The following C1orf21 variants were observed in gnomAD, a reference collection of about 807,000 sequenced individuals.
C1orf21 encodes uncharacterized protein C1orf21.
A neutral mutation model predicts 18.7 loss-of-function variants in C1orf21; 3 were observed. The ratio of observed to expected loss-of-function variants is 0.16; its 90% CI spans 0.07 to 0.42. C1orf21 has a LOEUF of 0.42. C1orf21 is among the 10% of genes least tolerant of loss of function. The probability of loss-of-function intolerance (pLI) is 0.99; values close to 1 mark genes in which losing one functional copy is unlikely to be tolerated. For synonymous variants in C1orf21, 41 were observed against 46.4 expected (o/e 0.88, Z 0.47); for missense variants, 104 against 143.6 (o/e 0.72, Z 1.41).
intron 3 of C1orf21, among the ~76,000 whole-genome samples, chr1:184,509,605 T>C (rs1387775911): frequency 6.6e-6 from 1 of 152,208 alleles, no homozygotes; most frequent in Admixed American, 6.5e-5. Flanking sequence ...TAATCAAGTA[T>C]TGACCATACA....
chr1:184,589,392 G>A (rs1169295789), intron 3 of C1orf21, among the ~76,000 whole-genome samples: 1 of 152,282 alleles, frequency 6.6e-6, no homozygotes, highest in Middle Eastern at 3.4e-3. Context: ...GCTGAGTGCC[G>A]CTCATGAAGT....
At chr1:184,458,992 A>G (rs996942966) in intron 1 of C1orf21, among the ~76,000 whole-genome samples, 1 of 152,234 alleles carries the variant, frequency 6.6e-6, no homozygotes, top group Admixed American at 6.5e-5. Flanking sequence ...TTCATAAAGC[A>G]GTATATCAAT....
intron 1 of C1orf21, among the ~76,000 whole-genome samples, chr1:184,459,525 A>G (rs1657270205): frequency 1.3e-5 from 2 of 152,302 alleles, no homozygotes; most frequent in East Asian, 1.9e-4. Context: ...GCTGTACTGT[A>G]TGTGGATTTA....
chr1:184,503,773 AG>A (rs1395183102), intron 2 of C1orf21, among the ~76,000 whole-genome samples: 1 of 152,230 alleles, frequency 6.6e-6, no homozygotes, highest in Admixed American at 6.5e-5. Context: ...CAAGCTTTGC[AG>A]ATAGAAGATC....
chr1:184,475,349 C>A (rs1314767120), intron 1 of C1orf21, among the ~76,000 whole-genome samples: 1 of 152,072 alleles, frequency 6.6e-6, no homozygotes, highest in African/African-American at 2.4e-5. Context: ...GCCCCCCCAT[C>A]CCCACCTGAC....
intron 1 of C1orf21, among the ~76,000 whole-genome samples, chr1:184,391,809 G>T (rs1655974688): frequency 6.6e-6 from 1 of 151,910 alleles, no homozygotes; most frequent in African/African-American, 2.4e-5. Flanking sequence ...CTGGGTCCAA[G>T]CAATTCTCAT....
chr1:184,465,437 G>A (rs1421415946), intron 1 of C1orf21, among the ~76,000 whole-genome samples: 1 of 152,100 alleles, frequency 6.6e-6, no homozygotes, highest in Non-Finnish European at 1.5e-5. Context: ...ATAAGTAAGA[G>A]ATTTTGGGGC....
intron 1 of C1orf21, among the ~76,000 whole-genome samples, chr1:184,442,265 C>T (rs1656959704): frequency 6.6e-6 from 1 of 151,962 alleles, no homozygotes; most frequent in South Asian, 2.1e-4. Context: ...TCATAGAATC[C>T]AGGTTGGGAA....
At chr1:184,497,243 C>A (rs1557986906) in intron 2 of C1orf21, among the ~76,000 whole-genome samples, 1 of 152,200 alleles carries the variant, frequency 6.6e-6, no homozygotes, top group East Asian at 1.9e-4. Flanking sequence ...GTGCTGCCCA[C>A]CATTAAGCTA....
intron 3 of C1orf21, among the ~76,000 whole-genome samples, chr1:184,548,490 C>CTACAAG (rs1432046007): frequency 6.7e-6 from 1 of 148,850 alleles, no homozygotes; most frequent in Non-Finnish European, 1.5e-5. Flanking sequence ...TCTCCACTCA[C>CTACAAG]TACAAGCTCC....
chr1:184,463,462 T>C (rs1006128590), intron 1 of C1orf21, among the ~76,000 whole-genome samples: 4 of 152,330 alleles, frequency 2.6e-5, no homozygotes, highest in Non-Finnish European at 4.4e-5. Context: ...TAATTATAAA[T>C]TTTCAGCTGC....
chr1:184,530,028 G>T (rs1159695571), intron 3 of C1orf21, among the ~76,000 whole-genome samples: 1 of 152,128 alleles, frequency 6.6e-6, no homozygotes, highest in Non-Finnish European at 1.5e-5. Context: ...TCTTACAAGG[G>T]TGCTAGAATT....
At chr1:184,450,017 G>C (rs528800924) in intron 1 of C1orf21, among the ~76,000 whole-genome samples, 13 of 152,290 alleles carry the variant, frequency 8.5e-5, no homozygotes, top group Admixed American at 7.8e-4. Context: ...ACAAGACGGA[G>C]GGAGGTATTT....
intron 1 of C1orf21, among the ~76,000 whole-genome samples, chr1:184,434,376 GTCAT>G (rs1167534017): frequency 6.6e-6 from 1 of 152,162 alleles, no homozygotes; most frequent in Non-Finnish European, 1.5e-5. Context: ...GAGACTCAAA[GTCAT>G]TCATTCAGTC....
intron 5 of C1orf21, among the ~76,000 whole-genome samples, chr1:184,618,988 T>C (rs1659875154): frequency 6.6e-6 from 1 of 152,254 alleles, no homozygotes; most frequent in South Asian, 2.1e-4. Context: ...CAGAAGCATC[T>C]TTGCCTTTCT....
intron 5 of C1orf21, among the ~76,000 whole-genome samples, chr1:184,615,709 C>A (rs958491133): frequency 6.6e-6 from 1 of 152,176 alleles, no homozygotes; most frequent in Admixed American, 6.5e-5. Flanking sequence ...CCCAGTAGGG[C>A]CAGTGTGCAG....
At chr1:184,489,965 A>G (rs1052538674) in intron 2 of C1orf21, among the ~76,000 whole-genome samples, 4 of 152,140 alleles carry the variant, frequency 2.6e-5, no homozygotes, top group Admixed American at 2.6e-4. Context: ...GTTTATTTTG[A>G]TAAATATAAT....
intron 3 of C1orf21, among the ~76,000 whole-genome samples, chr1:184,533,896 A>G (rs1182184215): frequency 6.6e-6 from 1 of 152,170 alleles, no homozygotes; most frequent in Non-Finnish European, 1.5e-5. Flanking sequence ...TCTTTGCCAT[A>G]TCCAGACTTG....
chr1:184,615,844 A>G (rs956519582), intron 5 of C1orf21, among the ~76,000 whole-genome samples: 2 of 152,342 alleles, frequency 1.3e-5, no homozygotes, highest in African/African-American at 2.4e-5. Flanking sequence ...TATAGGGTAC[A>G]TGTGGTATTT....
Sources: allele counts gnomAD v4.1 joint callset (sites outside exome capture counted in the v4.1 genomes callset), GRCh38; gene constraint gnomAD v4.1.1; transcripts MANE v1.5; gene names NCBI Gene and HGNC (gene_info 2026-07-23, HGNC 2026-07-21).